GTF2F2: variants seen among roughly 807,000 people sequenced by gnomAD.
The protein encoded by GTF2F2 is general transcription factor IIF subunit 2.
Under a neutral mutation model 42.2 loss-of-function variants are expected in GTF2F2, and 23 were observed. The observed-to-expected ratio is 0.55, with a 90% CI of 0.39 to 0.77. The LOEUF is 0.77. Ranked by LOEUF, GTF2F2 falls within the 30% of genes least tolerant of loss-of-function variation. The probability of loss-of-function intolerance (pLI) is 0.00; values close to 1 mark genes in which losing one functional copy is unlikely to be tolerated. For synonymous variants in GTF2F2, 105 were observed against 100.8 expected, an observed-to-expected ratio of 1.04 and a Z score of -0.25; for missense variants, 261 against 287.2, an observed-to-expected ratio of 0.91 and a Z score of 0.66.
intron 4 of GTF2F2, among the ~76,000 whole-genome samples, chr13:45,169,483 A>T (rs1427388638): frequency 2.6e-5 from 4 of 152,210 alleles, no homozygotes; most frequent in African/African-American, 7.2e-5. Context: ...TAAGCCACCC[A>T]GTCTGTGGAA....
chr13:45,152,574 T>C (rs1314263696), intron 4 of GTF2F2, among the ~76,000 whole-genome samples: 3 of 152,264 alleles, frequency 2.0e-5, no homozygotes, highest in Non-Finnish European at 2.9e-5. Context: ...TTTCAACTTG[T>C]ATGCTTTGTA....
intron 7 of GTF2F2, among the ~76,000 whole-genome samples, chr13:45,273,277 T>A (rs1307273223): frequency 6.6e-6 from 1 of 151,944 alleles, no homozygotes; most frequent in African/African-American, 2.4e-5. Flanking sequence ...GATCTTACTA[T>A]GTTGCTTGCT....
rs892775212 is a variant in GTF2F2, at chr13:45,231,608, T to C, written c.387-21263T>C. ...TCCCAATGGCTTTCACTCTTTAATA[T>C]CAGTATCAGCACCACAACTGGTCGT... is the stretch of plus-strand genomic sequence containing the variant. On this transcript the variant is annotated intron_variant, in intron 5 of 7. Coordinates refer to ENST00000340473, the MANE Select transcript of GTF2F2 (RefSeq NM_004128.3). 1.6e-4 allele frequency among the ~76,000 whole-genome samples: 24 copies of C among 152,206 alleles called. No individual in the cohort carries two copies. The South Asian group carries it at 2.5e-3, about 16-fold the overall frequency.
intron 6 of GTF2F2, among the ~76,000 whole-genome samples, chr13:45,259,348 C>A (rs1438315470): frequency 6.6e-6 from 1 of 152,094 alleles, no homozygotes; most frequent in Non-Finnish European, 1.5e-5. Context: ...ATTGCTTGAA[C>A]CCGGGAGGCG....
At chr13:45,263,458 G>A (rs937537414) in intron 6 of GTF2F2, among the ~76,000 whole-genome samples, 13 of 151,968 alleles carry the variant, frequency 8.6e-5, no homozygotes, top group African/African-American at 3.1e-4. Flanking sequence ...TTGATCTCCT[G>A]ACCTCGTGAT....
intron 1 of GTF2F2, among the ~76,000 whole-genome samples, chr13:45,128,611 A>G (rs1869171295): frequency 6.6e-6 from 1 of 151,626 alleles, no homozygotes; most frequent in Admixed American, 6.6e-5. Flanking sequence ...TTATTTTTTG[A>G]GAAAGAGTCT....
chr13:45,254,470 G>T (rs1876016324), intron 6 of GTF2F2, among the ~76,000 whole-genome samples: 1 of 152,092 alleles, frequency 6.6e-6, no homozygotes, highest in Non-Finnish European at 1.5e-5. Flanking sequence ...TACATATTAT[G>T]TATACTTTGT....
intron 5 of GTF2F2, among the ~76,000 whole-genome samples, chr13:45,232,441 A>G (rs1874730571): frequency 6.6e-6 from 1 of 152,188 alleles, no homozygotes; most frequent in Admixed American, 6.5e-5. Flanking sequence ...AGCCTGGGTA[A>G]CACAGTGAGA....
Position 45,183,272 on chromosome 13 carries a change from A to G in GTF2F2, c.305-24152A>G, listed in dbSNP as rs564318604. 1.1e-4 allele frequency among the ~76,000 whole-genome samples: 16 copies of G among 152,278 alleles called. No homozygotes were observed. The South Asian group carries it at 1.7e-3, about 16-fold the overall frequency. On this transcript the variant is annotated intron_variant, in intron 4 of 7. Coordinates refer to ENST00000340473, the MANE Select transcript of GTF2F2 (RefSeq NM_004128.3). ...TTAGAATTAACTCCGCTAGCAAAGT[A>G]TCAGTGACTTAAGCACATTGTTTTC...
At chr13:45,281,575 T>C (rs1877262002) in intron 7 of GTF2F2, among the ~76,000 whole-genome samples, 1 of 152,240 alleles carries the variant, frequency 6.6e-6, no homozygotes, top group Admixed American at 6.5e-5. Flanking sequence ...ATGAGTCGCC[T>C]AGGCACTTGT....
At chr13:45,199,910 C>G (rs1266492745) in intron 4 of GTF2F2, among the ~76,000 whole-genome samples, 1 of 152,144 alleles carries the variant, frequency 6.6e-6, no homozygotes, top group African/African-American at 2.4e-5. Flanking sequence ...AGAAGAGGAT[C>G]TGAACAGGAG....
chr13:45,239,834 A>G (rs956689833), intron 5 of GTF2F2, among the ~76,000 whole-genome samples: 1 of 152,214 alleles, frequency 6.6e-6, no homozygotes, highest in Non-Finnish European at 1.5e-5. Flanking sequence ...TTGCTTCATT[A>G]TATCTAAGAT....
intron 7 of GTF2F2, among the ~76,000 whole-genome samples, chr13:45,273,771 C>T (rs532753523): frequency 4.8e-4 from 73 of 151,372 alleles, no homozygotes; most frequent in African/African-American, 1.8e-3. Context: ...TCTCCTGCCT[C>T]AGCCTCCTGA....
chr13:45,248,877 A>G (rs1875758264), intron 5 of GTF2F2, among the ~76,000 whole-genome samples: 1 of 152,216 alleles, frequency 6.6e-6, no homozygotes, highest in Admixed American at 6.5e-5. Flanking sequence ...CCTGAAAACA[A>G]CACTGTATTT....
intron 7 of GTF2F2, among the ~76,000 whole-genome samples, chr13:45,275,531 CTA>C (rs1876997966): frequency 6.7e-6 from 1 of 148,274 alleles, no homozygotes; most frequent in African/African-American, 2.5e-5. Context: ...CAATTCCCAC[CTA>C]TGAGTGAGAA....
intron 4 of GTF2F2, among the ~76,000 whole-genome samples, chr13:45,159,811 G>C (rs576539554): frequency 6.6e-6 from 1 of 152,242 alleles, no homozygotes; most frequent in African/African-American, 2.4e-5. Flanking sequence ...GGTGCTAATG[G>C]GAAACATTAA....
chr13:45,184,041 A>C (rs1291480450), intron 4 of GTF2F2, among the ~76,000 whole-genome samples: 1 of 151,686 alleles, frequency 6.6e-6, no homozygotes, highest in African/African-American at 2.4e-5. Context: ...TTTTTTTTAG[A>C]AGAGACAGGA....
At chr13:45,232,202 C>T (rs748641866) in intron 5 of GTF2F2, among the ~76,000 whole-genome samples, 2 of 152,160 alleles carry the variant, frequency 1.3e-5, no homozygotes, top group Non-Finnish European at 2.9e-5. Flanking sequence ...CTAACCTAAA[C>T]ATTTTTAGGA....
intron 4 of GTF2F2, among the ~76,000 whole-genome samples, chr13:45,195,847 G>A (rs953744413): frequency 3.9e-5 from 6 of 152,142 alleles, no homozygotes; most frequent in African/African-American, 1.4e-4. Flanking sequence ...GTAGAGACAA[G>A]TTTTTGCCAT....
Sources: allele counts gnomAD v4.1 joint callset (sites outside exome capture counted in the v4.1 genomes callset), GRCh38; gene constraint gnomAD v4.1.1; transcripts MANE v1.5; gene names NCBI Gene and HGNC (gene_info 2026-07-23, HGNC 2026-07-21).